The following NTN1 variants were observed in gnomAD, a reference collection of about 807,000 sequenced individuals.
NTN1 encodes netrin 1.
In NTN1, 11 loss-of-function variants were observed where a neutral mutation model predicts 54.2. The ratio of observed to expected loss-of-function variants is 0.20; its 90% CI spans 0.13 to 0.34. The LOEUF is 0.34. Among genes scored for constraint, NTN1 ranks in the 10% least tolerant of loss-of-function variants. The pLI is 1.00. For missense variants in NTN1, 740 were observed against 893.1 expected, an observed-to-expected ratio of 0.83 and a Z score of 2.18; for synonymous variants, 371 against 382.0, an observed-to-expected ratio of 0.97 and a Z score of 0.33.
At chr17:9,236,233 C>A (rs1427135650) in intron 6 of NTN1, among the ~76,000 whole-genome samples, 1 of 152,182 alleles carries the variant, frequency 6.6e-6, no homozygotes, top group African/African-American at 2.4e-5. Context: ...TGCCAAGCCC[C>A]CTGGTTGGGT....
intron 6 of NTN1, among the ~76,000 whole-genome samples, chr17:9,235,619 G>A (rs192379328): frequency 2.2e-4 from 34 of 152,290 alleles, no homozygotes; most frequent in Non-Finnish European, 4.0e-4. Context: ...AGATCAAGGT[G>A]CCAACAGATT....
At chr17:9,225,000 C>T (rs549449409) in intron 6 of NTN1, among the ~76,000 whole-genome samples, 3 of 152,246 alleles carry the variant, frequency 2.0e-5, no homozygotes, top group Non-Finnish European at 2.9e-5. Flanking sequence ...CTTGTGGTCA[C>T]TTAAAAGTTG....
intron 2 of NTN1, among the ~76,000 whole-genome samples, chr17:9,051,151 C>G (rs1047698623): frequency 6.6e-6 from 1 of 152,208 alleles, no homozygotes; most frequent in Non-Finnish European, 1.5e-5. Context: ...CTCACAGGCT[C>G]TCCTTGGCAG....
chr17:9,027,950 C>T (rs1476282690), intron 2 of NTN1, among the ~76,000 whole-genome samples: 1 of 152,034 alleles, frequency 6.6e-6, no homozygotes, highest in Non-Finnish European at 1.5e-5. Flanking sequence ...ATCGTGAAAC[C>T]CCGTCTCTAC....
At chr17:9,138,423 C>G (rs977878836) in intron 2 of NTN1, among the ~76,000 whole-genome samples, 1 of 152,042 alleles carries the variant, frequency 6.6e-6, no homozygotes, top group African/African-American at 2.4e-5. Context: ...CAACAATGTG[C>G]TACTTCCAGG....
intron 2 of NTN1, among the ~76,000 whole-genome samples, chr17:9,078,273 T>C (rs1416249425): frequency 6.6e-6 from 1 of 152,106 alleles, no homozygotes; most frequent in East Asian, 1.9e-4. Flanking sequence ...GAGGCACAGG[T>C]TGCTATCCAA....
chr17:9,131,850 C>T (rs1353265933), intron 2 of NTN1, among the ~76,000 whole-genome samples: 1 of 152,084 alleles, frequency 6.6e-6, no homozygotes, highest in Non-Finnish European at 1.5e-5. Flanking sequence ...GTTGCCCAGG[C>T]TGGAGTGCAG....
chr17:9,203,913 G>T (rs1206649528), intron 5 of NTN1, among the ~76,000 whole-genome samples: 1 of 152,206 alleles, frequency 6.6e-6, no homozygotes, highest in East Asian at 1.9e-4. Flanking sequence ...CTCTAAGTTT[G>T]AAGGAACCAG....
intron 3 of NTN1, among the ~76,000 whole-genome samples, chr17:9,166,618 A>G (rs976961455): frequency 3.3e-5 from 5 of 152,180 alleles, no homozygotes; most frequent in Non-Finnish European, 7.3e-5. Flanking sequence ...CTGGGATTAC[A>G]GGTATGAGCC....
chr17:9,150,300 G>C (rs955748394), intron 2 of NTN1, among the ~76,000 whole-genome samples: 2 of 152,246 alleles, frequency 1.3e-5, no homozygotes, highest in African/African-American at 2.4e-5. Flanking sequence ...AGGCAAGAAA[G>C]TTTGCATCTC....
intron 5 of NTN1, among the ~76,000 whole-genome samples, chr17:9,207,231 G>A (rs112849301): frequency 0.064 from 9,758 of 152,274 alleles, 423 homozygotes; most frequent in Non-Finnish European, 0.094. Flanking sequence ...GACAAGTGCC[G>A]TGAAGGAACC....
In NTN1 at chr17:9,243,974, TATC is replaced by T. The variant is rs1342538514; in HGVS notation, c.*4009_*4011del. On this transcript the variant is annotated 3_prime_UTR_variant, in exon 7 of 7. Transcript: ENST00000173229. ...CCCACATGATAGAACTAAATTCAGA[TATC>T]ATTAAATAAACTCTTGTACACTATG... 1 of 151,748 alleles carries T rather than the reference TATC, an allele frequency of 6.6e-6. No homozygotes were observed. The highest frequency in any genetic ancestry group is 2.0e-4 in the East Asian group (1 of 5,102). The allele number at this position is 151,748 out of a possible 1,614,324, so 9.4% of individuals were successfully genotyped here. A position where few individuals can be genotyped will look rare whatever the true frequency, so the allele number is the denominator to read the frequency against.
chr17:9,003,213 A>G, the NTN1 span, among the ~76,000 whole-genome samples: 1 of 151,662 alleles, frequency 6.6e-6, no homozygotes, highest in African/African-American at 2.4e-5. The surrounding 1 kb of genome is among the most constrained non-coding windows in gnomAD (Gnocchi z 7.4). Context: ...CGCGCTCGGG[A>G]AGCTCTGGCT....
At chr17:9,222,637 GGCC>G (rs1194090300) in intron 6 of NTN1, among the ~76,000 whole-genome samples, 2 of 152,146 alleles carry the variant, frequency 1.3e-5, no homozygotes, top group Non-Finnish European at 2.9e-5. Flanking sequence ...GAGAAGCGAA[GGCC>G]ACCTGTGGAG....
intron 2 of NTN1, among the ~76,000 whole-genome samples, chr17:9,096,573 G>A (rs943835318): frequency 1.8e-4 from 27 of 151,882 alleles, no homozygotes; most frequent in African/African-American, 4.4e-4. Context: ...GGGTTTCACC[G>A]TGTTAGCCAG....
chr17:9,218,671 G>C (rs1905264002), intron 5 of NTN1, among the ~76,000 whole-genome samples: 1 of 152,084 alleles, frequency 6.6e-6, no homozygotes, highest in Non-Finnish European at 1.5e-5. Context: ...GGCTTACCTT[G>C]GGCGGGCTGC....
chr17:9,037,125 A>T (rs1312336979), intron 2 of NTN1, among the ~76,000 whole-genome samples: 1 of 151,868 alleles, frequency 6.6e-6, no homozygotes, highest in Non-Finnish European at 1.5e-5. Flanking sequence ...GCTCCTCCCA[A>T]CCCCCCAGGG....
intron 2 of NTN1, among the ~76,000 whole-genome samples, chr17:9,093,284 A>G (rs936987943): frequency 1.3e-5 from 2 of 152,270 alleles, no homozygotes; most frequent in Non-Finnish European, 2.9e-5. Context: ...TGCTATGAAC[A>G]TAGGTATTAC....
chr17:9,193,079 C>A (rs1024967744), intron 5 of NTN1, among the ~76,000 whole-genome samples: 695 of 105,406 alleles, frequency 6.6e-3, no homozygotes, highest in South Asian at 8.9e-3. Flanking sequence ...GACTCTGTCT[C>A]AAAAAAAAAA....
Sources: allele counts gnomAD v4.1 joint callset (sites outside exome capture counted in the v4.1 genomes callset), GRCh38; gene constraint gnomAD v4.1.1; non-coding constraint Gnocchi (gnomAD v3.1); transcripts MANE v1.5; gene names NCBI Gene and HGNC (gene_info 2026-07-23, HGNC 2026-07-21).